The following CSGALNACT1 variants were observed in gnomAD, a reference collection of about 807,000 sequenced individuals.
The protein encoded by CSGALNACT1 is beta4GalNAcT-1.
Under a neutral mutation model 51.0 loss-of-function variants are expected in CSGALNACT1, and 52 were observed. The observed-to-expected ratio is 1.02, with a 90% confidence interval of 0.82 to 1.29. CSGALNACT1 has a LOEUF of 1.29. CSGALNACT1 is among the 50% of genes most tolerant of loss of function. The pLI is 0.00. For missense variants in CSGALNACT1, 935 were observed against 679.2 expected, an observed-to-expected ratio of 1.38 and a Z score of -4.19; for synonymous variants, 341 against 254.4, an observed-to-expected ratio of 1.34 and a Z score of -3.24.
intron 1 of CSGALNACT1, among the ~76,000 whole-genome samples, chr8:19,650,610 G>T (rs1233668859): frequency 6.6e-6 from 1 of 152,188 alleles, no homozygotes; most frequent in African/African-American, 2.4e-5. Flanking sequence ...AAGACCATCA[G>T]GTGTGGAGAC....
intron 3 of CSGALNACT1, among the ~76,000 whole-genome samples, chr8:19,534,669 G>A (rs905584509): frequency 3.9e-5 from 6 of 151,900 alleles, no homozygotes; most frequent in African/African-American, 1.5e-4. Context: ...GACGGGAATC[G>A]AAAACCGAAT....
rs13278459 is a variant in CSGALNACT1, at chr8:19,440,072, A to G, written c.852-141T>C. On this transcript the variant is annotated intron_variant, in intron 5 of 9. Transcript: ENST00000454498. ...CAGGAGAGCCGAGATGGGAATCCAG[A>G]ACCTTTCTGGTTGGCCATTCCAACT... is the stretch of plus-strand genomic sequence containing the variant. 0.51 allele frequency: 365,919 copies of G among 718,082 alleles called. 99,159 individuals carry two copies. Among genetic ancestry groups the G allele is most frequent in the East Asian group, 0.85 (31,572 of 37,084 alleles). 44.5% of individuals were successfully genotyped at this position (718,082 alleles called of 1,614,324 possible).
intron 3 of CSGALNACT1, among the ~76,000 whole-genome samples, chr8:19,570,074 A>G (rs2042683171): frequency 6.6e-6 from 1 of 150,670 alleles, no homozygotes. Flanking sequence ...AATGGAAGGG[A>G]GGGTAGATTG....
At chr8:19,448,191 T>C (rs760382443) in intron 5 of CSGALNACT1, among the ~76,000 whole-genome samples, 27 of 151,990 alleles carry the variant, frequency 1.8e-4, no homozygotes, top group Non-Finnish European at 2.8e-4. Context: ...GTGGGAAAAA[T>C]TGTGTTTCTT....
chr8:19,529,788 T>C (rs1171208452), intron 3 of CSGALNACT1, among the ~76,000 whole-genome samples: 1 of 152,216 alleles, frequency 6.6e-6, no homozygotes, highest in Non-Finnish European at 1.5e-5. Context: ...TACTTGTGTA[T>C]AACCTAAGCA....
intron 6 of CSGALNACT1, among the ~76,000 whole-genome samples, chr8:19,427,919 A>C (rs2153715669): frequency 6.6e-6 from 1 of 152,304 alleles, no homozygotes; most frequent in Non-Finnish European, 1.5e-5. Context: ...CTTCCTAATC[A>C]GTGTATCTCC....
intron 1 of CSGALNACT1, among the ~76,000 whole-genome samples, chr8:19,708,496 C>G (rs191122861): frequency 2.6e-5 from 4 of 152,294 alleles, no homozygotes; most frequent in African/African-American, 9.6e-5. Context: ...ACAAGCCAAC[C>G]AAGTGAAATA....
At chr8:19,443,912 G>C (rs1042792648) in intron 5 of CSGALNACT1, among the ~76,000 whole-genome samples, 4 of 152,110 alleles carry the variant, frequency 2.6e-5, no homozygotes, top group Non-Finnish European at 5.9e-5. Flanking sequence ...TATGGTTTCA[G>C]CATGAAACTG....
At chr8:19,603,115 A>G (rs1454439684), upstream of CSGALNACT1, among the ~76,000 whole-genome samples, 143 of 136,898 alleles carry the variant, frequency 1.0e-3, no homozygotes, top group African/African-American at 4.4e-3. Flanking sequence ...ACATGCAGGA[A>G]TTAAAAAAAA....
At chr8:19,549,008 T>C (rs1024417168) in intron 3 of CSGALNACT1, among the ~76,000 whole-genome samples, 2 of 151,976 alleles carry the variant, frequency 1.3e-5, no homozygotes, top group Non-Finnish European at 2.9e-5. Flanking sequence ...ACAGAGATAG[T>C]GTCTCACTAT....
At chr8:19,417,712 G>A (rs1202160208) in intron 8 of CSGALNACT1, among the ~76,000 whole-genome samples, 3 of 152,166 alleles carry the variant, frequency 2.0e-5, no homozygotes, top group Non-Finnish European at 4.4e-5. Context: ...TCCCTCAGAT[G>A]GGAAGGCCAC....
intron 1 of CSGALNACT1, among the ~76,000 whole-genome samples, chr8:19,645,226 AT>A (rs113780219): frequency 5.3e-5 from 8 of 152,368 alleles, no homozygotes; most frequent in African/African-American, 1.9e-4. Flanking sequence ...GTGCTGGATT[AT>A]TAATAAGTCA....
intron 1 of CSGALNACT1, among the ~76,000 whole-genome samples, chr8:19,677,566 G>C (rs1413181009): frequency 6.6e-6 from 1 of 152,196 alleles, no homozygotes; most frequent in Admixed American, 6.5e-5. Context: ...AAAAGGGCAG[G>C]GCTTTGGCAT....
At chr8:19,691,695 G>C (rs2061331050) in intron 1 of CSGALNACT1, among the ~76,000 whole-genome samples, 1 of 152,168 alleles carries the variant, frequency 6.6e-6, no homozygotes, top group South Asian at 2.1e-4. Context: ...CTGTGAACTA[G>C]TGACTCAGCC....
intron 3 of CSGALNACT1, among the ~76,000 whole-genome samples, chr8:19,526,642 T>G (rs183966907): frequency 6.6e-6 from 1 of 152,142 alleles, no homozygotes; most frequent in Admixed American, 6.5e-5. Flanking sequence ...CTTATTTGAC[T>G]GATAAAGATA....
chr8:19,707,484 G>T (rs1589622626), intron 1 of CSGALNACT1, among the ~76,000 whole-genome samples: 1 of 152,058 alleles, frequency 6.6e-6, no homozygotes, highest in Admixed American at 6.5e-5. Context: ...AATCATTCTG[G>T]AGTAGAAATC....
At chr8:19,575,433 C>G (rs764021334) in intron 3 of CSGALNACT1, among the ~76,000 whole-genome samples, 3 of 152,176 alleles carry the variant, frequency 2.0e-5, no homozygotes, top group Non-Finnish European at 4.4e-5. Flanking sequence ...CTAAATCTAC[C>G]TACTAGCTTG....
intron 1 of CSGALNACT1, among the ~76,000 whole-genome samples, chr8:19,703,930 G>A (rs944380568): frequency 4.6e-5 from 7 of 152,174 alleles, no homozygotes; most frequent in African/African-American, 1.7e-4. Context: ...TAGTACGGGT[G>A]CATATCTGGC....
At chr8:19,601,598 G>A (rs563360838) in intron 2 of CSGALNACT1, among the ~76,000 whole-genome samples, 173 bp downstream of exon 2, 12 of 152,206 alleles carry the variant, frequency 7.9e-5, no homozygotes, top group Admixed American at 1.3e-4. Flanking sequence ...ATTCAATGGA[G>A]CCAAGTAATT....
Sources: allele counts gnomAD v4.1 joint callset (sites outside exome capture counted in the v4.1 genomes callset), GRCh38; gene constraint gnomAD v4.1.1; transcripts MANE v1.5; gene names NCBI Gene and HGNC (gene_info 2026-07-23, HGNC 2026-07-21).